Variants in CELF4 observed in about 807,000 individuals in gnomAD.
CELF4 encodes CUGBP Elav-like family member 4, also known as CUG-BP- and ETR-3-like factor 4.
CELF4 carries 18 observed loss-of-function variants against 59.9 expected under a neutral mutation model. The observed-to-expected ratio is 0.30, with a 90% CI of 0.21 to 0.45. The LOEUF (loss-of-function observed/expected upper bound fraction) is 0.45, where lower values mean the gene tolerates loss of function less well. Among genes scored for constraint, CELF4 ranks in the 20% least tolerant of loss-of-function variants. The probability of loss-of-function intolerance (pLI) is 1.00; values close to 1 mark genes in which losing one functional copy is unlikely to be tolerated. For missense variants in CELF4, 456 were observed against 689.0 expected, an observed-to-expected ratio of 0.66 and a Z score of 3.79; for synonymous variants, 261 against 267.1, an observed-to-expected ratio of 0.98 and a Z score of 0.22.
chr18:37,346,755 G>T (rs911532406), intron 2 of CELF4, among the ~76,000 whole-genome samples: 3 of 152,122 alleles, frequency 2.0e-5, no homozygotes, highest in Non-Finnish European at 4.4e-5. Context: ...TGCTTGTGCA[G>T]AAGCCCTGGG....
intron 2 of CELF4, among the ~76,000 whole-genome samples, chr18:37,322,630 C>A (rs1410388654): frequency 2.6e-5 from 4 of 152,214 alleles, no homozygotes; most frequent in African/African-American, 7.2e-5. Flanking sequence ...TCTCTGGACT[C>A]CAAGCATCCC....
chr18:37,513,932 G>A (rs1296966257), intron 1 of CELF4, among the ~76,000 whole-genome samples: 1 of 140,310 alleles, frequency 7.1e-6, no homozygotes, highest in African/African-American at 2.6e-5. Flanking sequence ...CTTCCCTTCT[G>A]TGTGGTGCCG....
intron 1 of CELF4, among the ~76,000 whole-genome samples, chr18:37,495,255 G>A (rs1246723709): frequency 1.3e-5 from 2 of 152,168 alleles, no homozygotes; most frequent in Non-Finnish European, 2.9e-5. Flanking sequence ...GGCCTCCTTG[G>A]CAAGACCAAA....
chr18:37,285,463 G>T (rs145228854), intron 3 of CELF4, among the ~76,000 whole-genome samples: 5 of 152,360 alleles, frequency 3.3e-5, no homozygotes, highest in Middle Eastern at 3.4e-3. Flanking sequence ...GGTTTGTAGG[G>T]GTGCCTTTGA....
intron 7 of CELF4, among the ~76,000 whole-genome samples, 183 bp from the exon 8 acceptor site, chr18:37,271,100 CT>C (rs1297624475): frequency 1.3e-5 from 2 of 152,204 alleles, no homozygotes; most frequent in Non-Finnish European, 2.9e-5. Context: ...TATGAAGTGA[CT>C]TCACCTATCC....
chr18:37,326,769 C>T (rs1263519919), intron 2 of CELF4, among the ~76,000 whole-genome samples: 1 of 152,196 alleles, frequency 6.6e-6, no homozygotes, highest in Non-Finnish European at 1.5e-5. Context: ...CCACCTGCGG[C>T]AGGGGGTGGG....
At chr18:37,553,263 T>C (rs1341941201) in intron 1 of CELF4, among the ~76,000 whole-genome samples, 1 of 152,234 alleles carries the variant, frequency 6.6e-6, no homozygotes, top group Non-Finnish European at 1.5e-5. Context: ...GTCACTCTGA[T>C]GATAAACTGG....
intron 2 of CELF4, among the ~76,000 whole-genome samples, chr18:37,424,975 C>A (rs1445787077): frequency 6.6e-6 from 1 of 152,234 alleles, no homozygotes; most frequent in African/African-American, 2.4e-5. Flanking sequence ...TCGCCCCACC[C>A]GCACAGTGCT....
chr18:37,486,079 C>T (rs2099880803), intron 1 of CELF4: 1 of 152,806 alleles, frequency 6.5e-6, no homozygotes, highest in Non-Finnish European at 1.5e-5. Context: ...CTCCTCTAAG[C>T]CTTACAAATA....
At chr18:37,252,783 C>T (rs1026155190) in intron 12 of CELF4, among the ~76,000 whole-genome samples, 2 of 151,300 alleles carry the variant, frequency 1.3e-5, no homozygotes, top group African/African-American at 4.9e-5. Context: ...CCTTCTCAAT[C>T]TTGCTCACTG....
intron 1 of CELF4, among the ~76,000 whole-genome samples, chr18:37,496,689 T>C (rs149902347): frequency 6.6e-6 from 1 of 152,354 alleles, no homozygotes; most frequent in African/African-American, 2.4e-5. Flanking sequence ...AATCTCACAC[T>C]GTCCTGGTAG....
chr18:37,343,586 T>C (rs1569567091), intron 2 of CELF4, among the ~76,000 whole-genome samples: 1 of 151,696 alleles, frequency 6.6e-6, no homozygotes, highest in Non-Finnish European at 1.5e-5. Flanking sequence ...TGTGTATATG[T>C]GGGGTTGCGT....
chr18:37,533,275 C>T (rs566003166), intron 1 of CELF4, among the ~76,000 whole-genome samples: 9 of 152,326 alleles, frequency 5.9e-5, no homozygotes, highest in East Asian at 5.8e-4. Flanking sequence ...GAGTAGGGAA[C>T]CCCAGAGAGG....
chr18:37,433,055 T>A (rs1432281684), intron 2 of CELF4, among the ~76,000 whole-genome samples: 3 of 152,136 alleles, frequency 2.0e-5, no homozygotes, highest in African/African-American at 7.2e-5. Context: ...AATGAGTGGA[T>A]TGAACGCCTG....
intron 1 of CELF4, among the ~76,000 whole-genome samples, chr18:37,535,644 T>C (rs989580578): frequency 3.9e-5 from 6 of 152,198 alleles, no homozygotes; most frequent in South Asian, 2.1e-4. Flanking sequence ...TTATATGTAC[T>C]GTGAGCTCCG....
At chr18:37,393,996 C>G (rs973499728) in intron 2 of CELF4, among the ~76,000 whole-genome samples, 1 of 151,840 alleles carries the variant, frequency 6.6e-6, no homozygotes, top group Non-Finnish European at 1.5e-5. Context: ...GACAAAAGCA[C>G]TCTACAAACA....
chr18:37,270,105 C>G (rs191410372), intron 8 of CELF4, among the ~76,000 whole-genome samples: 4 of 152,256 alleles, frequency 2.6e-5, no homozygotes, highest in African/African-American at 9.6e-5. Flanking sequence ...CAACTGGACA[C>G]TCTCACCCTG....
intron 12 of CELF4, among the ~76,000 whole-genome samples, chr18:37,250,733 GTCCCCAAGGCTGCCTTGAGA>G (rs2064982959): frequency 6.6e-6 from 1 of 152,150 alleles, no homozygotes; most frequent in South Asian, 2.1e-4. Context: ...CCTCAAGGCA[GTCCCCAAGGCTGCCTTGAGA>G]AGCTCTCTAT....
intron 1 of CELF4, among the ~76,000 whole-genome samples, chr18:37,552,498 G>A (rs1469299278): frequency 1.3e-5 from 2 of 152,224 alleles, no homozygotes; most frequent in African/African-American, 4.8e-5. Context: ...CCCAACTCCC[G>A]CCCCAGCAGG....
Sources: allele counts gnomAD v4.1 joint callset (sites outside exome capture counted in the v4.1 genomes callset), GRCh38; gene constraint gnomAD v4.1.1; transcripts MANE v1.5; gene names NCBI Gene and HGNC (gene_info 2026-07-23, HGNC 2026-07-21).